The following MYLK variants were observed in gnomAD, a reference collection of about 807,000 sequenced individuals.
MYLK encodes the protein myosin light chain kinase, smooth muscle.
MYLK carries 106 observed loss-of-function variants against 203.4 expected under a neutral mutation model. That is an observed-to-expected ratio of 0.52 (90% CI 0.45 to 0.61). MYLK has a LOEUF of 0.61. MYLK is among the 20% of genes least tolerant of loss of function. The probability of loss-of-function intolerance (pLI) is 0.00; values close to 1 mark genes in which losing one functional copy is unlikely to be tolerated. For synonymous variants in MYLK, 867 were observed against 959.5 expected (o/e 0.90, Z 1.78); for missense variants, 2,072 against 2,442.3 (o/e 0.85, Z 3.20).
At chr3:123,740,074 G>T in intron 5 of MYLK, 73 bp from the exon 6 acceptor site, 1 of 1,460,790 alleles carries the variant, frequency 6.8e-7, no homozygotes, top group Non-Finnish European at 9.6e-7. Context: ...AGATTCAACA[G>T]CAGGGGTGGG....
chr3:123,764,043 T>C (rs1402604352), intron 4 of MYLK, among the ~76,000 whole-genome samples: 2 of 152,244 alleles, frequency 1.3e-5, no homozygotes, highest in African/African-American at 4.8e-5. Flanking sequence ...AACTAGTATA[T>C]TGAATTTATT....
At chr3:123,673,320 C>T (rs1185083138) in intron 20 of MYLK, among the ~76,000 whole-genome samples, 4 of 151,984 alleles carry the variant, frequency 2.6e-5, no homozygotes, top group South Asian at 2.1e-4. Context: ...CACTATGTTG[C>T]GCAGGCTGGT....
chr3:123,794,583 G>A (rs2064916568), intron 3 of MYLK, among the ~76,000 whole-genome samples: 1 of 152,106 alleles, frequency 6.6e-6, no homozygotes, highest in Non-Finnish European at 1.5e-5. Context: ...CAAAATGATG[G>A]TATCACTGAC....
intron 4 of MYLK, among the ~76,000 whole-genome samples, chr3:123,791,436 GTC>G (rs2064778133): frequency 6.6e-6 from 1 of 152,206 alleles, no homozygotes. Context: ...TGATGCAAAA[GTC>G]TCTGTGTTGT....
At chr3:123,628,958 T>A (rs540873885) in intron 30 of MYLK, among the ~76,000 whole-genome samples, 1 of 152,286 alleles carries the variant, frequency 6.6e-6, no homozygotes, top group African/African-American at 2.4e-5. Context: ...CTGGCTGTAT[T>A]CAAGCAGGCA....
intron 9 of MYLK, 158 bp downstream of exon 9, chr3:123,735,240 A>C: frequency 1.0e-6 from 1 of 981,020 alleles, no homozygotes; most frequent in Non-Finnish European, 1.6e-6. Context: ...ATATTACAAT[A>C]GGAGAACAAG....
chr3:123,747,552 G>A (rs1261690028), intron 5 of MYLK, among the ~76,000 whole-genome samples: 1 of 152,204 alleles, frequency 6.6e-6, no homozygotes, highest in Non-Finnish European at 1.5e-5. Flanking sequence ...TATCACACAT[G>A]TAATTAAATC....
At chr3:123,848,886 G>C (rs1464875382) in intron 2 of MYLK, among the ~76,000 whole-genome samples, 1 of 152,078 alleles carries the variant, frequency 6.6e-6, no homozygotes, top group South Asian at 2.1e-4. Context: ...AAACCCCTAG[G>C]TCATTAAAGC....
At chr3:123,870,419 G>A (rs543671892) in intron 2 of MYLK, among the ~76,000 whole-genome samples, 4 of 152,304 alleles carry the variant, frequency 2.6e-5, no homozygotes, top group Admixed American at 6.5e-5. Context: ...CAGCCACAAA[G>A]GTTCACTAGC....
chr3:123,676,569 C>G (rs1015846756), intron 20 of MYLK, among the ~76,000 whole-genome samples: 1 of 152,162 alleles, frequency 6.6e-6, no homozygotes, highest in African/African-American at 2.4e-5. Flanking sequence ...GAGGTCTAGG[C>G]AAAGATATCT....
chr3:123,807,798 C>G (rs1429102904), intron 3 of MYLK, among the ~76,000 whole-genome samples: 1 of 152,246 alleles, frequency 6.6e-6, no homozygotes, highest in Non-Finnish European at 1.5e-5. Context: ...TCTCCAAAAC[C>G]TTGCTGCCCT....
At position 123,781,736 on chromosome 3, in the gene MYLK, C is replaced by G. The variant is rs376439927; in HGVS notation, c.165+11941G>C. Among the ~76,000 whole-genome samples, 144 of 118,474 alleles carry G rather than the reference C, an allele frequency of 1.2e-3. 4 individuals are homozygous for G. The South Asian group carries it at 0.037, about 30-fold the overall frequency. The allele number at this position is 118,474 out of a possible 152,430, so 77.7% of individuals were successfully genotyped here. ...CTCTCAGCCTGATGTGTGTAGATCTCAACACCACAGTCCTCACAAATGATG... is the reference window on the plus strand; with the variant it reads ...CTCTCAGCCTGATGTGTGTAGATCTGAACACCACAGTCCTCACAAATGATG... On this transcript the variant is annotated intron_variant, in intron 4 of 33. Coordinates refer to ENST00000360304, the MANE Select transcript of MYLK (RefSeq NM_053025.4).
chr3:123,755,675 T>C (rs2063338167), intron 4 of MYLK, among the ~76,000 whole-genome samples: 1 of 152,172 alleles, frequency 6.6e-6, no homozygotes, highest in African/African-American at 2.4e-5. Flanking sequence ...GTTCACATCC[T>C]TGGGATGCAT....
At chr3:123,834,307 A>G (rs1402789633) in intron 2 of MYLK, among the ~76,000 whole-genome samples, 2 of 152,168 alleles carry the variant, frequency 1.3e-5, no homozygotes, top group African/African-American at 4.8e-5. Context: ...CGGCCTCCCA[A>G]AGTGCTGGGA....
intron 2 of MYLK, among the ~76,000 whole-genome samples, chr3:123,831,933 T>C (rs932021901): frequency 1.3e-5 from 2 of 152,120 alleles, no homozygotes; most frequent in Non-Finnish European, 2.9e-5. Context: ...ACGGTGGTAC[T>C]CAGGGTAGAT....
At chr3:123,699,461 C>T (rs746281877) in intron 18 of MYLK, among the ~76,000 whole-genome samples, 13 of 152,192 alleles carry the variant, frequency 8.5e-5, no homozygotes, top group Non-Finnish European at 1.8e-4. Context: ...TTTGGGTTTC[C>T]CGACAGATCC....
intron 3 of MYLK, among the ~76,000 whole-genome samples, chr3:123,824,277 A>G (rs2066038264): frequency 6.6e-6 from 1 of 151,974 alleles, no homozygotes; most frequent in Admixed American, 6.6e-5. Context: ...TTGAGTAGAG[A>G]CAGGGTTTCA....
intron 18 of MYLK, among the ~76,000 whole-genome samples, chr3:123,696,781 C>A (rs2060947201): frequency 6.6e-6 from 1 of 152,230 alleles, no homozygotes; most frequent in African/African-American, 2.4e-5. Flanking sequence ...CAGAGTCCAC[C>A]AAAACCCCTA....
At chr3:123,654,934 T>C (rs1442659028) in intron 24 of MYLK, among the ~76,000 whole-genome samples, 1 of 152,100 alleles carries the variant, frequency 6.6e-6, no homozygotes, top group African/African-American at 2.4e-5. Context: ...CCCAGGCTAC[T>C]CTTGAACTCC....
Sources: gnomAD v4.1 joint callset for allele counts (sites outside exome capture counted in the v4.1 genomes callset) on GRCh38, gnomAD v4.1.1 for gene constraint, MANE v1.5 for transcripts, NCBI Gene and HGNC (gene_info 2026-07-23, HGNC 2026-07-21) for gene names.